LRMDA: variants seen among roughly 807,000 people sequenced by gnomAD.
LRMDA encodes the protein leucine rich melanocyte differentiation associated.
LRMDA carries 18 observed loss-of-function variants against 29.8 expected under a neutral mutation model. The observed-to-expected ratio is 0.60, with a 90% CI of 0.42 to 0.90. The LOEUF (loss-of-function observed/expected upper bound fraction) is 0.90. Among genes scored for constraint, LRMDA ranks in the 40% least tolerant of loss-of-function variants. The pLI is 0.00. For missense variants in LRMDA, 273 were observed against 273.9 expected (o/e 1.00, Z 0.02); for synonymous variants, 125 against 109.4 (o/e 1.14, Z -0.89).
chr10:75,935,589 C>T (rs931405668), intron 2 of LRMDA, among the ~76,000 whole-genome samples: 2 of 152,108 alleles, frequency 1.3e-5, no homozygotes, highest in East Asian at 3.9e-4. Context: ...ATACGTTAAG[C>T]CTGCAAAGAA....
chr10:75,501,038 A>G (rs1007212773), intron 2 of LRMDA, among the ~76,000 whole-genome samples: 4 of 152,154 alleles, frequency 2.6e-5, no homozygotes, highest in African/African-American at 7.2e-5. Context: ...AGACTTTCCC[A>G]TTGCAGGTGT....
chr10:75,811,835 G>A (rs1843966443), intron 2 of LRMDA, among the ~76,000 whole-genome samples: 1 of 152,144 alleles, frequency 6.6e-6, no homozygotes, highest in South Asian at 2.1e-4. Flanking sequence ...ATCTTGTTGT[G>A]GACATGCATT....
intron 2 of LRMDA, among the ~76,000 whole-genome samples, chr10:75,538,649 A>C (rs1476759933): frequency 6.6e-6 from 1 of 151,888 alleles, no homozygotes. Flanking sequence ...TTTGGCTTTG[A>C]CCTGTCATTT....
intron 2 of LRMDA, among the ~76,000 whole-genome samples, chr10:75,593,244 C>G (rs1840745446): frequency 6.6e-6 from 1 of 152,218 alleles, no homozygotes; most frequent in East Asian, 1.9e-4. Flanking sequence ...GGGCACCAAA[C>G]CTGTTTTTTC....
intron 6 of LRMDA, among the ~76,000 whole-genome samples, chr10:76,390,434 C>G (rs1841709242): frequency 6.6e-6 from 1 of 150,432 alleles, no homozygotes. Context: ...CATGATGCAA[C>G]TAATGAAATT....
chr10:75,502,989 G>T (rs1589162558), intron 2 of LRMDA, among the ~76,000 whole-genome samples: 1 of 152,096 alleles, frequency 6.6e-6, no homozygotes, highest in Non-Finnish European at 1.5e-5. Context: ...ACACCTATTT[G>T]TATCATTTGC....
At chr10:75,539,748 T>C (rs1349834100) in intron 2 of LRMDA, among the ~76,000 whole-genome samples, 1 of 152,206 alleles carries the variant, frequency 6.6e-6, no homozygotes, top group Admixed American at 6.5e-5. Flanking sequence ...GGCTGTTTTT[T>C]TGTTGTTTTT....
chr10:76,322,629 C>G (rs1840785301), intron 5 of LRMDA, among the ~76,000 whole-genome samples: 1 of 152,152 alleles, frequency 6.6e-6, no homozygotes, highest in South Asian at 2.1e-4. Context: ...AGCATTTGTT[C>G]CAGTAATTGT....
At chr10:75,531,653 T>C (rs1429497339) in intron 2 of LRMDA, among the ~76,000 whole-genome samples, 3 of 152,220 alleles carry the variant, frequency 2.0e-5, no homozygotes, top group Non-Finnish European at 2.9e-5. Context: ...ACTCTTGTTC[T>C]CTGGACAGGG....
intron 2 of LRMDA, among the ~76,000 whole-genome samples, chr10:75,526,561 A>G (rs1459630420): frequency 6.6e-6 from 1 of 152,054 alleles, no homozygotes; most frequent in Non-Finnish European, 1.5e-5. Flanking sequence ...TTAAAAAAAT[A>G]CATAATTTAG....
At chr10:75,862,831 G>A (rs1439042965) in intron 2 of LRMDA, among the ~76,000 whole-genome samples, 1 of 152,092 alleles carries the variant, frequency 6.6e-6, no homozygotes, top group Non-Finnish European at 1.5e-5. Flanking sequence ...ACTTCCAGTG[G>A]CATTTGCATA....
chr10:75,819,102 A>G (rs186721943), intron 2 of LRMDA, among the ~76,000 whole-genome samples: 1 of 152,324 alleles, frequency 6.6e-6, no homozygotes, highest in African/African-American at 2.4e-5. Flanking sequence ...AAAGAAAGTA[A>G]ATGTCTTGAT....
chr10:75,586,912 C>T (rs150188206), intron 2 of LRMDA, among the ~76,000 whole-genome samples: 1 of 151,826 alleles, frequency 6.6e-6, no homozygotes. Flanking sequence ...ATATTTTCTC[C>T]CATTCTATAA....
chr10:76,385,284 A>G (rs995600343), intron 6 of LRMDA, among the ~76,000 whole-genome samples: 3 of 152,172 alleles, frequency 2.0e-5, no homozygotes, highest in Non-Finnish European at 4.4e-5. Context: ...TTATGTACCA[A>G]TCGAGTGTAC....
intron 2 of LRMDA, among the ~76,000 whole-genome samples, chr10:75,875,910 A>G (rs763445652): frequency 6.6e-6 from 1 of 152,120 alleles, no homozygotes; most frequent in African/African-American, 2.4e-5. Context: ...ATTGGAGAGT[A>G]GTATTGGACC....
chr10:75,885,758 G>C (rs1054755755), intron 2 of LRMDA, among the ~76,000 whole-genome samples: 2 of 152,248 alleles, frequency 1.3e-5, no homozygotes, highest in Non-Finnish European at 2.9e-5. Context: ...CAGAATTTCA[G>C]ATGATAAGAC....
chr10:75,915,183 G>A (rs1352298347), intron 2 of LRMDA, among the ~76,000 whole-genome samples: 1 of 124,864 alleles, frequency 8.0e-6, no homozygotes, highest in African/African-American at 3.1e-5. Flanking sequence ...CCAGGCTGAA[G>A]TGCAGTGGCA....
chr10:75,497,951 G>C (rs1845066079), intron 2 of LRMDA, among the ~76,000 whole-genome samples: 1 of 152,166 alleles, frequency 6.6e-6, no homozygotes, highest in Admixed American at 6.5e-5. Flanking sequence ...GGTCCTAGGG[G>C]AGATGCACGT....
intron 2 of LRMDA, among the ~76,000 whole-genome samples, chr10:75,942,788 T>A (rs1846413830): frequency 6.6e-6 from 1 of 152,180 alleles, no homozygotes; most frequent in South Asian, 2.1e-4. Flanking sequence ...AGGAGATTGC[T>A]TGGAACATAG....
Sources: gnomAD v4.1 joint callset for allele counts (sites outside exome capture counted in the v4.1 genomes callset) on GRCh38, gnomAD v4.1.1 for gene constraint, MANE v1.5 for transcripts, NCBI Gene and HGNC (gene_info 2026-07-23, HGNC 2026-07-21) for gene names.